The following UGT3A1 variants were observed in gnomAD, a reference collection of about 807,000 sequenced individuals.
UGT3A1 encodes UDP-glycosyltransferase 3A1.
UGT3A1 carries 40 observed loss-of-function variants against 37.6 expected under a neutral mutation model. That is an observed-to-expected ratio of 1.06 (90% CI 0.83 to 1.38). UGT3A1 has a LOEUF of 1.38. Ranked by LOEUF, UGT3A1 falls within the 40% of genes most tolerant of loss-of-function variation. The pLI is 0.00. For missense variants in UGT3A1, 642 were observed against 634.2 expected, an observed-to-expected ratio of 1.01 and a Z score of -0.13; for synonymous variants, 256 against 232.3, an observed-to-expected ratio of 1.10 and a Z score of -0.93.
chr5:35,973,813 C>T (rs935191651), intron 2 of UGT3A1, among the ~76,000 whole-genome samples: 2 of 151,986 alleles, frequency 1.3e-5, no homozygotes, highest in African/African-American at 4.8e-5. Context: ...AGTGGTAGCA[C>T]TTAAGCACCA....
At chr5:35,980,036 T>A (rs1459297809) in intron 2 of UGT3A1, among the ~76,000 whole-genome samples, 1 of 152,190 alleles carries the variant, frequency 6.6e-6, no homozygotes, top group East Asian at 1.9e-4. Flanking sequence ...TTCCACAACA[T>A]ATGGGAATTC....
chr5:35,975,757 C>T (rs4024104), intron 2 of UGT3A1, among the ~76,000 whole-genome samples: 77,560 of 151,524 alleles, frequency 0.51, 22,609 homozygotes, highest in Non-Finnish European at 0.66. Flanking sequence ...AGGTTTGTTG[C>T]ATATGTATAC....
intron 2 of UGT3A1, among the ~76,000 whole-genome samples, chr5:35,996,789 T>C (rs1165415981): frequency 6.6e-6 from 1 of 152,098 alleles, no homozygotes; most frequent in Admixed American, 6.6e-5. Flanking sequence ...GAGAAGGAAA[T>C]ATTAGGGGAG....
chr5:35,989,953 G>A (rs1303194071), intron 1 of UGT3A1, among the ~76,000 whole-genome samples: 1 of 152,138 alleles, frequency 6.6e-6, no homozygotes, highest in Non-Finnish European at 1.5e-5. Context: ...TGGGCGTGGT[G>A]GCGGGCGCCT....
chr5:35,991,713 A>C, upstream of UGT3A1: 1 of 897,286 alleles, frequency 1.1e-6, no homozygotes. Flanking sequence ...CCATGCCCCC[A>C]TTTTCCCCAG....
At chr5:35,993,194 G>C (rs1002841197), upstream of UGT3A1, among the ~76,000 whole-genome samples, 24 of 152,154 alleles carry the variant, frequency 1.6e-4, no homozygotes, top group African/African-American at 5.3e-4. Flanking sequence ...GGCCAGGCAC[G>C]GTGGCTCACG....
Position 35,952,217 on chromosome 5 carries a change from C to A in UGT3A1, c.*1985G>T, listed in dbSNP as rs1057442532. 1.4e-4 allele frequency: 21 copies of A among 152,238 alleles called. No individual in the cohort carries two copies. The highest frequency in any genetic ancestry group is 4.4e-5 in the Non-Finnish European group (3 of 68,022). 9.4% of individuals were successfully genotyped at this position (152,238 alleles called of 1,614,324 possible). ...TGAGAGAAGGAAGGGCATAGACAAA[C>A]CTCAGAGGTTAAAAACAGCAAAATG... On this transcript the variant is annotated 3_prime_UTR_variant, in exon 7 of 7. Coordinates refer to ENST00000274278, the MANE Select transcript of UGT3A1 (RefSeq NM_152404.4).
chr5:35,957,584 A>C (rs1462747144), intron 4 of UGT3A1, among the ~76,000 whole-genome samples, 165 bp from the exon 5 acceptor site: 1 of 152,186 alleles, frequency 6.6e-6, no homozygotes, highest in Admixed American at 6.5e-5. Flanking sequence ...TGACCTCTGC[A>C]CTGTGCTCAT....
At chr5:35,988,652 T>C (rs977320334) in intron 1 of UGT3A1, 101 bp from the exon 2 acceptor site, 109 of 869,068 alleles carry the variant, frequency 1.3e-4, no homozygotes, top group African/African-American at 1.2e-3. Flanking sequence ...AGAAAAAGCA[T>C]AGGGAAGAGG....
At chr5:35,987,046 T>C (rs1740756133) in intron 2 of UGT3A1, among the ~76,000 whole-genome samples, 2 of 152,136 alleles carry the variant, frequency 1.3e-5, no homozygotes, top group South Asian at 4.1e-4. Flanking sequence ...ATCCTATACG[T>C]GAGATTTCAG....
At chr5:35,969,858 C>T (rs932091397) in intron 2 of UGT3A1, among the ~76,000 whole-genome samples, 3 of 152,118 alleles carry the variant, frequency 2.0e-5, no homozygotes, top group Admixed American at 2.0e-4. Context: ...AATATATATG[C>T]CCCATCTTAA....
upstream of UGT3A1, among the ~76,000 whole-genome samples, chr5:35,995,663 C>G (rs1005832064): frequency 6.6e-6 from 1 of 152,102 alleles, no homozygotes; most frequent in Non-Finnish European, 1.5e-5. Flanking sequence ...GAGCCAACAA[C>G]CAGCCCCCGA....
intron 2 of UGT3A1, among the ~76,000 whole-genome samples, chr5:35,987,320 A>G (rs1197294635): frequency 6.6e-6 from 1 of 152,158 alleles, no homozygotes; most frequent in Non-Finnish European, 1.5e-5. Flanking sequence ...AGAAATGTCC[A>G]AAGATTGAGG....
At chr5:35,989,111 C>T (rs2149993085) in intron 1 of UGT3A1, among the ~76,000 whole-genome samples, 1 of 152,178 alleles carries the variant, frequency 6.6e-6, no homozygotes, top group East Asian at 1.9e-4. Flanking sequence ...TACTTAGAGC[C>T]CAAATCTTTG....
At chr5:35,955,077 T>C (rs916115633) in intron 6 of UGT3A1, 1 of 160,118 alleles carries the variant, frequency 6.2e-6, no homozygotes, top group Non-Finnish European at 1.4e-5. Context: ...AGACAATTAA[T>C]AAAAACATAA....
At chr5:35,976,964 G>C (rs1008423587) in intron 2 of UGT3A1, among the ~76,000 whole-genome samples, 2 of 143,194 alleles carry the variant, frequency 1.4e-5, no homozygotes, top group African/African-American at 5.2e-5. Flanking sequence ...GAAAGAAAGA[G>C]AGAAAGGGAG....
intron 2 of UGT3A1, among the ~76,000 whole-genome samples, chr5:35,969,851 A>G (rs1375555672): frequency 6.6e-6 from 1 of 152,212 alleles, no homozygotes; most frequent in Non-Finnish European, 1.5e-5. Flanking sequence ...GACGGCAAAT[A>G]TATATGCCCC....
At chr5:35,959,977 T>C (rs1365656747) in intron 4 of UGT3A1, among the ~76,000 whole-genome samples, 1 of 151,970 alleles carries the variant, frequency 6.6e-6, no homozygotes, top group African/African-American at 2.4e-5. Flanking sequence ...TAAAATAAAC[T>C]TAACCAAGGA....
At chr5:35,972,911 C>T (rs1165760853) in intron 2 of UGT3A1, among the ~76,000 whole-genome samples, 1 of 151,590 alleles carries the variant, frequency 6.6e-6, no homozygotes, top group Non-Finnish European at 1.5e-5. Flanking sequence ...TCTCCTATAG[C>T]TACTGGGTTG....
Sources: gnomAD v4.1 joint callset for allele counts (sites outside exome capture counted in the v4.1 genomes callset) on GRCh38, gnomAD v4.1.1 for gene constraint, MANE v1.5 for transcripts, NCBI Gene and HGNC (gene_info 2026-07-23, HGNC 2026-07-21) for gene names.